MAGI2: variants seen among roughly 807,000 people sequenced by gnomAD.
The protein encoded by MAGI2 is membrane associated guanylate kinase, WW and PDZ domain containing 2.
Under a neutral mutation model 133.3 loss-of-function variants are expected in MAGI2, and 35 were observed. The ratio of observed to expected loss-of-function variants is 0.26; its 90% confidence interval spans 0.20 to 0.35. The LOEUF is 0.35. Among genes scored for constraint, MAGI2 ranks in the 10% least tolerant of loss-of-function variants. The probability of loss-of-function intolerance (pLI) is 1.00; values close to 1 mark genes in which losing one functional copy is unlikely to be tolerated. For synonymous variants in MAGI2, 729 were observed against 710.6 expected (o/e 1.03, Z -0.41); for missense variants, 1,636 against 1,863.4 (o/e 0.88, Z 2.25).
intron 2 of MAGI2, among the ~76,000 whole-genome samples, chr7:78,656,615 GC>G (rs1812308611): frequency 6.6e-6 from 1 of 152,092 alleles, no homozygotes; most frequent in Non-Finnish European, 1.5e-5. Flanking sequence ...CTAATGTACA[GC>G]ATGAGAACTA....
At chr7:78,464,459 C>T (rs1383636560) in intron 6 of MAGI2, among the ~76,000 whole-genome samples, 3 of 152,102 alleles carry the variant, frequency 2.0e-5, no homozygotes, top group Non-Finnish European at 2.9e-5. Context: ...GCTCATATCC[C>T]CCTATACCTG....
intron 3 of MAGI2, among the ~76,000 whole-genome samples, chr7:78,609,283 T>C (rs1806171702): frequency 6.6e-6 from 1 of 152,128 alleles, no homozygotes; most frequent in African/African-American, 2.4e-5. Context: ...CCACTCCTTG[T>C]CAACTTGAAG....
intron 1 of MAGI2, among the ~76,000 whole-genome samples, chr7:79,253,195 G>A (rs1833446653): frequency 6.6e-6 from 1 of 152,088 alleles, no homozygotes; most frequent in African/African-American, 2.4e-5. Flanking sequence ...AAAATATCAT[G>A]TATATTCCTA....
At chr7:79,066,039 A>T (rs1384638969) in intron 1 of MAGI2, among the ~76,000 whole-genome samples, 1 of 152,090 alleles carries the variant, frequency 6.6e-6, no homozygotes, top group Non-Finnish European at 1.5e-5. Context: ...ATGTGTCTTT[A>T]TAGTAGCATG....
At chr7:78,913,723 A>G (rs996503770) in intron 2 of MAGI2, among the ~76,000 whole-genome samples, 2 of 152,226 alleles carry the variant, frequency 1.3e-5, no homozygotes, top group African/African-American at 4.8e-5. Flanking sequence ...ATAACAAGTT[A>G]GCACTTAATT....
intron 16 of MAGI2, among the ~76,000 whole-genome samples, chr7:78,146,997 A>G (rs1377794464): frequency 6.6e-6 from 1 of 152,196 alleles, no homozygotes; most frequent in Non-Finnish European, 1.5e-5. Flanking sequence ...TATTTTCTTA[A>G]TATAAATGGA....
chr7:78,529,910 T>G (rs1198710708), intron 3 of MAGI2, among the ~76,000 whole-genome samples: 4 of 151,744 alleles, frequency 2.6e-5, no homozygotes, highest in Non-Finnish European at 5.9e-5. Flanking sequence ...CCAAAATATT[T>G]TAATAATTAA....
intron 10 of MAGI2, among the ~76,000 whole-genome samples, chr7:78,231,161 G>A (rs1789929582): frequency 6.6e-6 from 1 of 152,188 alleles, no homozygotes; most frequent in Admixed American, 6.5e-5. Flanking sequence ...TGGTCTCCCA[G>A]GTACTGAGGA....
chr7:79,031,158 G>A (rs1810531477), intron 1 of MAGI2, among the ~76,000 whole-genome samples: 1 of 152,070 alleles, frequency 6.6e-6, no homozygotes, highest in Non-Finnish European at 1.5e-5. Flanking sequence ...CCCTTTGCCG[G>A]TTTTATGTGA....
At chr7:79,060,535 T>C (rs1466043061) in intron 1 of MAGI2, among the ~76,000 whole-genome samples, 1 of 152,048 alleles carries the variant, frequency 6.6e-6, no homozygotes, top group Non-Finnish European at 1.5e-5. Flanking sequence ...GCAGATGATT[T>C]TGAAGATTCT....
chr7:78,975,420 T>A (rs1584550435), intron 2 of MAGI2, among the ~76,000 whole-genome samples: 1 of 151,756 alleles, frequency 6.6e-6, no homozygotes, highest in South Asian at 2.1e-4. Flanking sequence ...CACTGCTACA[T>A]AATATATGTG....
At chr7:78,112,992 G>A (rs552115267) in intron 20 of MAGI2, among the ~76,000 whole-genome samples, 87 of 152,308 alleles carry the variant, frequency 5.7e-4, no homozygotes, top group Non-Finnish European at 1.0e-3. Flanking sequence ...TTACCCAGGG[G>A]AACGGGTGGG....
chr7:78,754,631 C>T (rs1275031762), intron 2 of MAGI2, among the ~76,000 whole-genome samples: 2 of 152,038 alleles, frequency 1.3e-5, no homozygotes, highest in African/African-American at 4.8e-5. Flanking sequence ...TTAGCATCAG[C>T]CAATTAGATA....
intron 9 of MAGI2, among the ~76,000 whole-genome samples, chr7:78,257,024 A>G (rs908093439): frequency 3.3e-5 from 5 of 152,210 alleles, no homozygotes; most frequent in African/African-American, 1.2e-4. Context: ...TATAAGTTGA[A>G]TAAGTCAATT....
At chr7:78,456,101 G>A (rs951335965) in intron 6 of MAGI2, among the ~76,000 whole-genome samples, 2 of 149,736 alleles carry the variant, frequency 1.3e-5, no homozygotes, top group Non-Finnish European at 3.0e-5. Flanking sequence ...TTTGCCCTTT[G>A]AAGACAATGT....
chr7:78,044,911 G>C (rs1185372361), intron 21 of MAGI2, among the ~76,000 whole-genome samples: 1 of 152,246 alleles, frequency 6.6e-6, no homozygotes, highest in Non-Finnish European at 1.5e-5. Flanking sequence ...GCTCACACCT[G>C]TAATCCCAGC....
At chr7:78,149,736 C>G (rs751302462) in intron 16 of MAGI2, among the ~76,000 whole-genome samples, 1 of 152,122 alleles carries the variant, frequency 6.6e-6, no homozygotes, top group African/African-American at 2.4e-5. Flanking sequence ...ATGATGAATC[C>G]GTAAGTATAC....
chr7:78,677,897 G>T (rs149313097), intron 2 of MAGI2, among the ~76,000 whole-genome samples: 317 of 152,134 alleles, frequency 2.1e-3, no homozygotes, highest in African/African-American at 7.1e-3. Flanking sequence ...CAGGAGACAG[G>T]GCTGGTGCAT....
rs1795918606 is a variant in MAGI2, at chr7:78,882,115, A to AAAAAAAAAAAAAAAAAAAAG, written c.418+124974_418+124975insCTTTTTTTTTTTTTTTTTTT. Among the ~76,000 whole-genome samples the AAAAAAAAAAAAAAAAAAAAG allele has an allele frequency of 1.2e-4, 11 of 93,732 alleles. 1 individual carries two copies. Among genetic ancestry groups the AAAAAAAAAAAAAAAAAAAAG allele is most frequent in the South Asian group, 6.9e-4 (1 of 1,452 alleles). The allele number at this position is 93,732 out of a possible 152,430, so 61.5% of individuals were successfully genotyped here. A position where few individuals can be genotyped will look rare whatever the true frequency, so the allele number is the denominator to read the frequency against. ...AAAAAAAAAAAAAAAAAAAGAAAAG[A>AAAAAAAAAAAAAAAAAAAAG]AAAACAAAAAAAAAAGAGAGAGAGA... is the stretch of plus-strand genomic sequence containing the variant. On this transcript the variant is annotated intron_variant, in intron 2 of 21. Transcript: ENST00000354212.
Sources: allele counts gnomAD v4.1 joint callset (sites outside exome capture counted in the v4.1 genomes callset), GRCh38; gene constraint gnomAD v4.1.1; transcripts MANE v1.5; gene names NCBI Gene and HGNC (gene_info 2026-07-23, HGNC 2026-07-21).